Variants in LRRC4C observed in about 807,000 individuals in gnomAD.
The protein encoded by LRRC4C is leucine-rich repeat-containing protein 4C.
LRRC4C carries 5 observed loss-of-function variants against 33.6 expected under a neutral mutation model. That is an observed-to-expected ratio of 0.15 (90% CI 0.08 to 0.31). The LOEUF is 0.31. LRRC4C is among the 10% of genes least tolerant of loss of function. LRRC4C has a pLI of 1.00. For synonymous variants in LRRC4C, 329 were observed against 302.0 expected (o/e 1.09, Z -0.93); for missense variants, 560 against 796.7 (o/e 0.70, Z 3.58).
intron 1 of LRRC4C, among the ~76,000 whole-genome samples, chr11:41,208,720 C>A (rs951287799): frequency 6.6e-6 from 1 of 152,208 alleles, no homozygotes; most frequent in Non-Finnish European, 1.5e-5. Context: ...GTCCCAAAGA[C>A]AATTCAGAGA....
chr11:40,423,653 C>G (rs1950610396), intron 3 of LRRC4C, among the ~76,000 whole-genome samples: 1 of 152,144 alleles, frequency 6.6e-6, no homozygotes, highest in South Asian at 2.1e-4. Context: ...TGTTCATGTT[C>G]TTAATGATCA....
chr11:41,130,330 A>G (rs1772531340), intron 1 of LRRC4C, among the ~76,000 whole-genome samples: 1 of 151,814 alleles, frequency 6.6e-6, no homozygotes, highest in Non-Finnish European at 1.5e-5. Flanking sequence ...TACTTGTCTT[A>G]TTTTATCAAA....
At chr11:40,922,984 C>T (rs1423297406) in intron 2 of LRRC4C, among the ~76,000 whole-genome samples, 1 of 152,076 alleles carries the variant, frequency 6.6e-6, no homozygotes, top group African/African-American at 2.4e-5. Flanking sequence ...GCCACCACAC[C>T]CAGCTAATTT....
At chr11:40,247,023 C>A in intron 4 of LRRC4C, among the ~76,000 whole-genome samples, 1 of 152,096 alleles carries the variant, frequency 6.6e-6, no homozygotes. Context: ...CTTTCAATCA[C>A]TGAAGAGACT....
intron 2 of LRRC4C, among the ~76,000 whole-genome samples, chr11:40,912,873 CAA>C (rs561144945): frequency 0.02 from 3,072 of 151,744 alleles, 39 homozygotes; most frequent in Middle Eastern, 0.044. Flanking sequence ...CAATGGAAAA[CAA>C]AAAAAGGCAG....
intron 3 of LRRC4C, among the ~76,000 whole-genome samples, chr11:40,594,520 T>C (rs1205864456): frequency 6.6e-6 from 1 of 152,240 alleles, no homozygotes; most frequent in East Asian, 1.9e-4. Context: ...AATAAATGTT[T>C]ATTGCTGATC....
intron 2 of LRRC4C, among the ~76,000 whole-genome samples, chr11:40,773,070 A>G (rs911175270): frequency 1.3e-5 from 2 of 152,154 alleles, no homozygotes; most frequent in Admixed American, 1.3e-4. Context: ...AGAACTGGAG[A>G]ACATTATGTT....
intron 2 of LRRC4C, among the ~76,000 whole-genome samples, chr11:40,879,407 T>C (rs1450843402): frequency 1.3e-5 from 2 of 152,164 alleles, no homozygotes; most frequent in East Asian, 3.9e-4. Flanking sequence ...AGATGATGGC[T>C]TACTTGTTCT....
At chr11:40,874,202 T>A in intron 2 of LRRC4C, among the ~76,000 whole-genome samples, 1 of 152,224 alleles carries the variant, frequency 6.6e-6, no homozygotes, top group East Asian at 1.9e-4. Flanking sequence ...GGGTTTTCTT[T>A]TCATGCCCCC....
chr11:40,455,109 A>G (rs1952070780), intron 3 of LRRC4C, among the ~76,000 whole-genome samples: 1 of 152,214 alleles, frequency 6.6e-6, no homozygotes, highest in Admixed American at 6.5e-5. Context: ...ACTTGAAAAG[A>G]GTAAGTGAGC....
chr11:41,270,369 T>A (rs1041610467), intron 1 of LRRC4C, among the ~76,000 whole-genome samples: 1 of 152,140 alleles, frequency 6.6e-6, no homozygotes, highest in Non-Finnish European at 1.5e-5. Flanking sequence ...CTATTGCTAG[T>A]CTTATTATAA....
At position 40,732,618 on chromosome 11, in the gene LRRC4C, A is replaced by C. The variant is rs181001809; in HGVS notation, c.-406-84340T>G. On this transcript the variant is annotated intron_variant, in intron 2 of 6. Transcript: ENST00000528697. Reference sequence around the variant, plus strand: ...AAATAGTGTGATATCTATTCTATGCATAGTCTCAGTCCACATCACATCCAT... The same window carrying C: ...AAATAGTGTGATATCTATTCTATGCCTAGTCTCAGTCCACATCACATCCAT... Among the ~76,000 whole-genome samples the C allele has an allele frequency of 2.0e-5, 3 of 152,352 alleles. No homozygotes were observed. In the East Asian group the frequency reaches 5.8e-4, roughly 29 times the overall value.
intron 2 of LRRC4C, among the ~76,000 whole-genome samples, chr11:40,908,162 C>T (rs1217800001): frequency 6.6e-6 from 1 of 151,866 alleles, no homozygotes; most frequent in Non-Finnish European, 1.5e-5. Context: ...AATCTACGTA[C>T]CTGAGTAAAA....
chr11:41,032,376 T>C (rs1226159213), intron 1 of LRRC4C, among the ~76,000 whole-genome samples: 1 of 152,034 alleles, frequency 6.6e-6, no homozygotes. Flanking sequence ...TTCCAAAACA[T>C]CCTTGAAAAA....
chr11:40,962,660 C>T lies in LRRC4C; in HGVS notation c.-495-28937G>A, dbSNP rs192686148. On this transcript the variant is annotated intron_variant, in intron 1 of 6. Transcript: ENST00000528697. ...AACTAGAAAAGTAAAAGAAATTTATCCTGCTGAAAACATATATACAAATAT... is the reference window on the plus strand; with the variant it reads ...AACTAGAAAAGTAAAAGAAATTTATTCTGCTGAAAACATATATACAAATAT... Among the ~76,000 whole-genome samples the T allele has an allele frequency of 2.4e-3, 359 of 151,718 alleles. 2 individuals are homozygous for T. Among genetic ancestry groups the T allele is most frequent in the African/African-American group, 8.3e-3 (343 of 41,488 alleles).
chr11:40,465,675 G>C (rs1244568055), intron 3 of LRRC4C, among the ~76,000 whole-genome samples: 2 of 151,902 alleles, frequency 1.3e-5, no homozygotes, highest in Non-Finnish European at 2.9e-5. Flanking sequence ...ATTTACAAAT[G>C]ATGAACAAGC....
At chr11:40,281,995 C>T (rs2136455154) in intron 4 of LRRC4C, among the ~76,000 whole-genome samples, 1 of 152,264 alleles carries the variant, frequency 6.6e-6, no homozygotes, top group African/African-American at 2.4e-5. Flanking sequence ...GGATCCCTCC[C>T]AAGAAGTTGT....
chr11:40,716,419 G>A (rs1274111703), intron 2 of LRRC4C, among the ~76,000 whole-genome samples: 1 of 151,856 alleles, frequency 6.6e-6, no homozygotes, highest in Non-Finnish European at 1.5e-5. Flanking sequence ...TTTCATGCTG[G>A]TAATTCTTAT....
chr11:41,298,415 CT>C (rs533979006), intron 1 of LRRC4C, among the ~76,000 whole-genome samples: 2,615 of 144,068 alleles, frequency 0.018, 72 homozygotes, highest in African/African-American at 0.057. Context: ...GGAAAGTGAA[CT>C]TTTTTTTTTT....
Sources: gnomAD v4.1 joint callset for allele counts (sites outside exome capture counted in the v4.1 genomes callset) on GRCh38, gnomAD v4.1.1 for gene constraint, MANE v1.5 for transcripts, NCBI Gene and HGNC (gene_info 2026-07-23, HGNC 2026-07-21) for gene names.